The following MYO18B variants were observed in gnomAD, a reference collection of about 807,000 sequenced individuals.
MYO18B encodes unconventional myosin-XVIIIb.
MYO18B carries 204 observed loss-of-function variants against 273.0 expected under a neutral mutation model. The ratio of observed to expected loss-of-function variants is 0.75; its 90% CI spans 0.67 to 0.84. The LOEUF is 0.84. Among genes scored for constraint, MYO18B ranks in the 40% least tolerant of loss-of-function variants. MYO18B has a pLI of 0.00. For missense variants in MYO18B, 3,212 were observed against 3,287.6 expected (o/e 0.98, Z 0.56); for synonymous variants, 1,330 against 1,305.7 (o/e 1.02, Z -0.40).
At chr22:26,028,249 G>GAAAAAAAAAAAAAAA (rs753643785) in intron 43 of MYO18B, 3 of 136,808 alleles carry the variant, frequency 2.2e-5, no homozygotes, top group Non-Finnish European at 1.5e-5. Flanking sequence ...TCTGTCTCAG[G>GAAAAAAAAAAAAAAA]GAAAAAAAAA....
rs751707031 is a variant in MYO18B at position 26,027,151 on chromosome 22, G to C, written c.7177G>C (p.Asp2393His). 2 of 1,613,974 alleles carry C rather than the reference G, an allele frequency of 1.2e-6. No homozygotes were observed. Among genetic ancestry groups the C allele is most frequent in the East Asian group, 4.5e-5 (2 of 44,872 alleles). Residue 2393 changes from aspartate to histidine, a missense_variant, in exon 43 of 44, where the codon GAT becomes CAT. Coordinates refer to ENST00000335473, the MANE Select transcript of MYO18B (RefSeq NM_032608.7). This position sits in a 1 kb window ranked among gnomAD's most constrained non-coding sequence, Gnocchi z 4.1. Reference protein sequence around the residue: ...RRRCLESSVDDAGCPDLGKEP... With the variant: ...RRRCLESSVDHAGCPDLGKEP... Reference sequence around the variant, plus strand: ...GCGGTGTCTGGAGTCCTCTGTGGACGATGCGGGCTGTCCAGACCTTGGAAA... The same window carrying C: ...GCGGTGTCTGGAGTCCTCTGTGGACCATGCGGGCTGTCCAGACCTTGGAAA...
intron 27 of MYO18B, among the ~76,000 whole-genome samples, chr22:25,892,053 G>C (rs2091676503): frequency 1.3e-5 from 2 of 152,210 alleles, no homozygotes; most frequent in South Asian, 4.1e-4. Context: ...AGGCTGTCTA[G>C]TGGTTAAAAG....
Position 25,908,408 on chromosome 22 carries a change from T to G in MYO18B, c.5235T>G (p.Asp1745Glu). ...DREDQEEELE[D>E]VRQSCQKRLH... ...AGGACCAGGAGGAGGAACTGGAGGATGTCCGTCAGTCCTGCCAGAAGCGGG... is the reference window on the plus strand; with the variant it reads ...AGGACCAGGAGGAGGAACTGGAGGAGGTCCGTCAGTCCTGCCAGAAGCGGG... Residue 1745 changes from aspartate (D) to glutamate (E), a missense_variant, in exon 32 of 44, where the codon GAT (aspartate) becomes GAG (glutamate). By Grantham distance (45) the Asp-to-Glu change is conservative. Transcript: ENST00000335473. The G allele has an allele frequency of 6.3e-7, 1 of 1,596,832 alleles. No homozygotes were observed. The highest frequency in any genetic ancestry group is 1.3e-5 in the African/African-American group (1 of 74,746).
At chr22:25,786,571 C>G (rs1468815653) in intron 11 of MYO18B, among the ~76,000 whole-genome samples, 1 of 151,176 alleles carries the variant, frequency 6.6e-6, no homozygotes, top group African/African-American at 2.4e-5. Context: ...TGCAAAACTT[C>G]AAACCACAAA....
chr22:25,769,111 C>A lies in MYO18B; in HGVS notation c.1195C>A (p.Gln399Lys), dbSNP rs2086620610. The A allele has an allele frequency of 6.2e-7, 1 of 1,613,430 alleles. No homozygotes were observed. The highest frequency in any genetic ancestry group is 1.1e-5 in the South Asian group (1 of 90,926). Residue 399 changes from glutamine to lysine, a missense_variant, in exon 4 of 44, where the codon CAG becomes AAG. Coordinates refer to ENST00000335473, the MANE Select transcript of MYO18B (RefSeq NM_032608.7). ...WDKKEKMGQP[Q>K]GKSGNAGEAR... Reference sequence around the variant, plus strand: ...TAAGAAGGAAAAGATGGGGCAACCCCAGGGTAAGTCCGGGAACGCAGGTGA... The same window carrying A: ...TAAGAAGGAAAAGATGGGGCAACCCAAGGGTAAGTCCGGGAACGCAGGTGA...
intron 9 of MYO18B, among the ~76,000 whole-genome samples, chr22:25,780,451 G>A (rs935333609): frequency 3.3e-5 from 5 of 151,852 alleles, no homozygotes; most frequent in Non-Finnish European, 7.4e-5. Flanking sequence ...TTAGCCAAGT[G>A]TGGTGGCAGG....
intron 25 of MYO18B, among the ~76,000 whole-genome samples, chr22:25,882,542 C>T (rs950533693): frequency 6.6e-6 from 1 of 152,128 alleles, no homozygotes; most frequent in African/African-American, 2.4e-5. Context: ...GGAGCATCAT[C>T]CTGAACTGTA....
At chr22:25,755,119 G>A (rs901693714) in intron 1 of MYO18B, among the ~76,000 whole-genome samples, 10 of 152,188 alleles carry the variant, frequency 6.6e-5, no homozygotes, top group South Asian at 2.1e-4. Flanking sequence ...GACGGGAGGG[G>A]AGGGTGTCTT....
chr22:26,016,033 C>T (rs937769386), intron 42 of MYO18B, among the ~76,000 whole-genome samples: 1 of 152,196 alleles, frequency 6.6e-6, no homozygotes, highest in African/African-American at 2.4e-5. Flanking sequence ...AAAGCTGCAT[C>T]TTCATGGGGA....
chr22:25,790,132 G>A (rs976828197), intron 11 of MYO18B, among the ~76,000 whole-genome samples: 5 of 148,614 alleles, frequency 3.4e-5, no homozygotes, highest in African/African-American at 1.2e-4. Flanking sequence ...CAGCCTGGGC[G>A]ACAGCGTGAG....
rs574599883 is a variant in MYO18B, at chr22:25,763,216, G to A, written c.40-15G>A. The A allele has an allele frequency of 3.0e-5, 49 of 1,608,138 alleles. No homozygotes were observed. The Middle Eastern group carries it at 8.3e-4, about 27-fold the overall frequency. On this transcript the variant is annotated splice_polypyrimidine_tract_variant and intron_variant, in intron 2 of 43. Coordinates refer to ENST00000335473, the MANE Select transcript of MYO18B (RefSeq NM_032608.7). ...GACTCACTGAGCTCTCTCTTTCCTT[G>A]CTTCTGCAAAACAGATTCGGGAAGA... is the stretch of plus-strand genomic sequence containing the variant.
At chr22:25,770,244 A>G (rs1008205378) in intron 5 of MYO18B, 68 bp downstream of exon 5, 36 of 1,500,136 alleles carry the variant, frequency 2.4e-5, no homozygotes, top group Admixed American at 6.7e-5. Flanking sequence ...GCTGCCAGCC[A>G]TATGTTCCAG....
chr22:25,942,611 T>A (rs1410542584), intron 34 of MYO18B, among the ~76,000 whole-genome samples: 2 of 152,200 alleles, frequency 1.3e-5, no homozygotes, highest in African/African-American at 4.8e-5. Context: ...GGTGAACAAG[T>A]CACTTCCCCT....
In MYO18B at chr22:25,968,078, G is replaced by C. The variant is rs190960050; in HGVS notation, c.6156+12714G>C. On this transcript the variant is annotated intron_variant, in intron 39 of 43. Transcript: ENST00000335473. Reference sequence around the variant, plus strand: ...TCAGACAGGCTTTCCCTTCCTAGTGGCAACAGAGTTAGGCTGACAAACAGC... The same window carrying C: ...TCAGACAGGCTTTCCCTTCCTAGTGCCAACAGAGTTAGGCTGACAAACAGC... Among the ~76,000 whole-genome samples, 20 of 152,220 alleles carry C rather than the reference G, an allele frequency of 1.3e-4. No individual in the cohort carries two copies. The East Asian group carries it at 3.3e-3, about 25-fold the overall frequency.
chr22:25,745,872 T>C (rs2085764546), intron 1 of MYO18B, among the ~76,000 whole-genome samples: 1 of 152,216 alleles, frequency 6.6e-6, no homozygotes, highest in Non-Finnish European at 1.5e-5. Context: ...CTGGATTAAC[T>C]GTTGCGTTGA....
chr22:25,823,019 CT>C (rs2089342110), intron 12 of MYO18B, among the ~76,000 whole-genome samples: 1 of 152,256 alleles, frequency 6.6e-6, no homozygotes, highest in East Asian at 1.9e-4. Flanking sequence ...TTGTTTCCAA[CT>C]TTTTGCTTTC....
At chr22:25,962,378 TCC>T (rs2092927482) in intron 39 of MYO18B, among the ~76,000 whole-genome samples, 1 of 152,208 alleles carries the variant, frequency 6.6e-6, no homozygotes, top group Non-Finnish European at 1.5e-5. Flanking sequence ...GGCTGCAACC[TCC>T]ATATCAGAGT....
chr22:25,898,036 G>A (rs1363728305), intron 28 of MYO18B: 7 of 380,198 alleles, frequency 1.8e-5, no homozygotes, highest in Non-Finnish European at 3.3e-5. Context: ...AAGTCTGTGG[G>A]TGCATTGGCT....
At chr22:25,782,888 G>A (rs1040557797) in intron 10 of MYO18B, among the ~76,000 whole-genome samples, 1 of 152,210 alleles carries the variant, frequency 6.6e-6, no homozygotes, top group Non-Finnish European at 1.5e-5. Context: ...CTTGGAGTGG[G>A]GTGGTATAGC....
Sources: gnomAD v4.1 joint callset for allele counts (sites outside exome capture counted in the v4.1 genomes callset) on GRCh38, gnomAD v4.1.1 for gene constraint, Gnocchi (gnomAD v3.1) non-coding constraint, MANE v1.5 for transcripts, NCBI Gene and HGNC (gene_info 2026-07-23, HGNC 2026-07-21) for gene names.